Variants in GPC1 observed in about 807,000 individuals in gnomAD.
GPC1 encodes glypican 1.
GPC1 carries 26 observed loss-of-function variants against 51.5 expected under a neutral mutation model. The ratio of observed to expected loss-of-function variants is 0.50; its 90% CI spans 0.37 to 0.70. The LOEUF is 0.70. GPC1 is among the 30% of genes least tolerant of loss of function. The pLI, the probability that GPC1 is intolerant of heterozygous loss-of-function variation, is 0.00. For missense variants in GPC1, 775 were observed against 800.5 expected (o/e 0.97, Z 0.38); for synonymous variants, 380 against 348.3 (o/e 1.09, Z -1.01).
In GPC1 at chr2:240,436,056, G is replaced by C. The variant is rs1440362761; in HGVS notation, c.138G>C (p.Leu46=). The change falls in exon 1 of 9, where the codon CTG becomes CTC. Residue 46 remains leucine, a synonymous_variant. Transcript: ENST00000264039. ...RQIYGAKGFS[L]SDVPQAEISG... is the part of the protein sequence containing the mutation. ...TCTACGGAGCCAAGGGCTTCAGCCT[G>C]AGCGACGTGCCCCAGGCGGAGATCT... 1.5e-6 allele frequency: 2 copies of C among 1,336,006 alleles called. No individual in the cohort carries two copies. Among genetic ancestry groups the C allele is most frequent in the Admixed American group, 3.1e-5 (1 of 32,682 alleles). The allele number at this position is 1,336,006 out of a possible 1,614,324, so 82.8% of individuals were successfully genotyped here.
In GPC1 at chr2:240,464,163, A is replaced by G. The variant is rs543189440; in HGVS notation, c.884-453A>G. 7 of 223,350 alleles carry G rather than the reference A, an allele frequency of 3.1e-5. No individual in the cohort carries two copies. In the South Asian group the frequency reaches 5.3e-4, roughly 17 times the overall value. The allele number at this position is 223,350 out of a possible 1,614,324, so 13.8% of individuals were successfully genotyped here. The stretch of plus-strand genomic sequence containing the variant: ...CAAAATGCATGAGCTTTACTTGTAC[A>G]TGTGCTCACCGTGCACGCAACACAC... On this transcript the variant is annotated intron_variant, in intron 4 of 8. Transcript: ENST00000264039.
chr2:240,449,953 A>G, intron 1 of GPC1: 1 of 467,512 alleles, frequency 2.1e-6, no homozygotes, highest in Non-Finnish European at 4.4e-6. Flanking sequence ...AATCTATTCG[A>G]CTGTGGAGAG....
intron 1 of GPC1, among the ~76,000 whole-genome samples, chr2:240,437,150 C>G (rs985017754): frequency 6.6e-6 from 1 of 152,196 alleles, no homozygotes; most frequent in Non-Finnish European, 1.5e-5. Flanking sequence ...TGGAGGGCTA[C>G]TCAGATGGGG....
chr2:240,450,828 G>A (rs983539052), intron 1 of GPC1: 17 of 466,042 alleles, frequency 3.6e-5, no homozygotes, highest in African/African-American at 2.4e-4. Context: ...CAGGTAGGGA[G>A]GCAGGAGCAA....
intron 1 of GPC1, among the ~76,000 whole-genome samples, chr2:240,447,214 G>A (rs2074056060): frequency 6.6e-6 from 1 of 152,142 alleles, no homozygotes; most frequent in African/African-American, 2.4e-5. Context: ...AGTCGAAATT[G>A]AGGTGTCGTA....
At chr2:240,454,518 G>A (rs1217888248) in intron 1 of GPC1, among the ~76,000 whole-genome samples, 1 of 152,238 alleles carries the variant, frequency 6.6e-6, no homozygotes, top group Admixed American at 6.5e-5. Flanking sequence ...CCCGTTGCCG[G>A]GTGCAGAGCT....
chr2:240,441,546 G>A (rs1574755868), intron 1 of GPC1, among the ~76,000 whole-genome samples: 1 of 152,352 alleles, frequency 6.6e-6, no homozygotes, highest in African/African-American at 2.4e-5. Flanking sequence ...CAGTGTCGAC[G>A]TGCCCAGAGC....
Position 240,439,401 on chromosome 2 carries a change from A to T in GPC1, c.166+3317A>T, listed in dbSNP as rs1468504885. Among the ~76,000 whole-genome samples, 9 of 152,112 alleles carry T rather than the reference A, an allele frequency of 5.9e-5. No homozygotes were observed. In the East Asian group the frequency reaches 1.7e-3, roughly 29 times the overall value. On this transcript the variant is annotated intron_variant, in intron 1 of 8. Transcript: ENST00000264039. Reference sequence around the variant, plus strand: ...GGCCCTAAGGTCTAGTTTTGGGGGCAGAAGTCAGAGTGGGGCATGGGACTG... The same window carrying T: ...GGCCCTAAGGTCTAGTTTTGGGGGCTGAAGTCAGAGTGGGGCATGGGACTG...
chr2:240,460,135 CCCCCAAGGCCATTTCCACAGGGCTGT>C, intron 2 of GPC1, among the ~76,000 whole-genome samples: 1 of 152,080 alleles, frequency 6.6e-6, no homozygotes, highest in Non-Finnish European at 1.5e-5. Context: ...TCCCCAGGAG[CCCCCAAGGCCATTTCCACAGGGCTGT>C]GGGACCTCAG....
In GPC1 at chr2:240,465,123, T is replaced by C. The variant is rs2074250125; in HGVS notation, c.1181T>C (p.Ile394Thr). The C allele has an allele frequency of 6.2e-7, 1 of 1,611,702 alleles. No homozygotes were observed. Among genetic ancestry groups the C allele is most frequent in the Non-Finnish European group, 8.5e-7 (1 of 1,179,606 alleles). ...CTCCGCGACGTCCAGGACTTCTGGA[T>C]CAGCCTCCCAGGGACACTGTGCAGT... ...AQLRDVQDFW[I>T]SLPGTLCSEK... The change falls in exon 7 of 9, where the codon ATC (isoleucine) becomes ACC (threonine). Residue 394 changes from isoleucine to threonine, a missense_variant. By Grantham distance (89) the Ile-to-Thr change is moderately conservative. Transcript: ENST00000264039.
At chr2:240,449,995 A>G (rs763711055) in intron 1 of GPC1, 46 of 454,158 alleles carry the variant, frequency 1.0e-4, no homozygotes, top group Non-Finnish European at 1.9e-4. Context: ...TCTGGTGAAT[A>G]ATGCTGTGAG....
chr2:240,464,776 C>T (rs1351172793), intron 5 of GPC1, 30 bp downstream of exon 5: 9 of 1,587,274 alleles, frequency 5.7e-6, no homozygotes, highest in African/African-American at 1.3e-5. Flanking sequence ...ACGAGCACAG[C>T]GGGGTGGGGG....
intron 1 of GPC1, among the ~76,000 whole-genome samples, chr2:240,443,426 G>A (rs940081636): frequency 5.9e-5 from 9 of 152,214 alleles, no homozygotes; most frequent in African/African-American, 2.2e-4. Context: ...GAGGAGGCCC[G>A]CTGCTCTCTT....
chr2:240,443,042 C>T (rs1025492730), intron 1 of GPC1, among the ~76,000 whole-genome samples: 7 of 152,258 alleles, frequency 4.6e-5, no homozygotes, highest in Non-Finnish European at 8.8e-5. Context: ...CGTGGGCCTC[C>T]GCTTTTCCCT....
intron 1 of GPC1, chr2:240,449,352 T>TA (rs1213423116): frequency 7.3e-6 from 1 of 137,674 alleles, no homozygotes; most frequent in African/African-American, 2.8e-5. Context: ...CCGCCGGACT[T>TA]AGCGGATGCA....
rs148564112 is a variant in GPC1 at position 240,459,126 on chromosome 2, C to T, written c.263C>T (p.Ala88Val). The T allele has an allele frequency of 3.2e-5, 52 of 1,612,566 alleles. 1 individual carries two copies. Among genetic ancestry groups the T allele is most frequent in the African/African-American group, 2.4e-4 (18 of 74,940 alleles). Residue 88 changes from alanine to valine, a missense_variant, in exon 2 of 9, where the codon GCG (alanine) becomes GTG (valine). Transcript: ENST00000264039. Reference sequence around the variant, plus strand: ...CGCAGCCATGCCGAGCTGGAGACCGCGCTCCGGGACAGCAGCCGCGTCCTG... The same window carrying T: ...CGCAGCCATGCCGAGCTGGAGACCGTGCTCCGGGACAGCAGCCGCGTCCTG... ...ANRSHAELETALRDSSRVLQA... is the reference protein window; with the variant it reads ...ANRSHAELETVLRDSSRVLQA...
At position 240,448,267 on chromosome 2, in the gene GPC1, T is replaced by C. The variant is rs1181360407; in HGVS notation, c.167-10763T>C. Reference sequence around the variant, plus strand: ...ATGGGGCTGGTTCGTTCCCCCAGGCTGTCTGCCTCCTGGATCTCATGTGCC... The same window carrying C: ...ATGGGGCTGGTTCGTTCCCCCAGGCCGTCTGCCTCCTGGATCTCATGTGCC... On this transcript the variant is annotated intron_variant, in intron 1 of 8. Coordinates refer to ENST00000264039, the MANE Select transcript of GPC1 (RefSeq NM_002081.3). This position sits in a 1 kb window ranked among gnomAD's most constrained non-coding sequence, Gnocchi z 4.5. Among the ~76,000 whole-genome samples the C allele has an allele frequency of 6.6e-6, 1 of 152,122 alleles. No homozygotes were observed. Among genetic ancestry groups the C allele is most frequent in the Non-Finnish European group, 1.5e-5 (1 of 67,992 alleles).
intron 2 of GPC1, among the ~76,000 whole-genome samples, chr2:240,461,547 C>T (rs563366243): frequency 4.5e-4 from 69 of 152,290 alleles, no homozygotes; most frequent in Non-Finnish European, 8.8e-4. Context: ...TGTGCCTCCA[C>T]ACCCCCTGCC....
At chr2:240,445,539 G>A (rs1007125440) in intron 1 of GPC1, among the ~76,000 whole-genome samples, 18 of 152,192 alleles carry the variant, frequency 1.2e-4, no homozygotes, top group African/African-American at 4.1e-4. Context: ...TCAGCGCCAG[G>A]TGCTGGGATG....
Sources: allele counts gnomAD v4.1 joint callset (sites outside exome capture counted in the v4.1 genomes callset), GRCh38; gene constraint gnomAD v4.1.1; non-coding constraint Gnocchi (gnomAD v3.1); transcripts MANE v1.5; gene names NCBI Gene and HGNC (gene_info 2026-07-23, HGNC 2026-07-21).